The following CSMD1 variants were observed in gnomAD, a reference collection of about 807,000 sequenced individuals.
CSMD1 encodes the protein CUB and sushi domain-containing protein 1.
In CSMD1, 213 loss-of-function variants were observed where a neutral mutation model predicts 417.5. The ratio of observed to expected loss-of-function variants is 0.51; its 90% CI spans 0.46 to 0.57. CSMD1 has a LOEUF of 0.57. Among genes scored for constraint, CSMD1 ranks in the 20% least tolerant of loss-of-function variants. The pLI is 0.00. For missense variants in CSMD1, 6,923 were observed against 4,529.7 expected, an observed-to-expected ratio of 1.53 and a Z score of -15.17; for synonymous variants, 2,862 against 1,736.8, an observed-to-expected ratio of 1.65 and a Z score of -16.11.
Position 4,756,560 on chromosome 8 carries a change from T to C in CSMD1, c.86-119002A>G, listed in dbSNP as rs562678568. ...CTCCAACGAGGTATGTATAATGCTA[T>C]TGAAATAGAGCATGCGTTCTAGACT... On this transcript the variant is annotated intron_variant, in intron 1 of 69. Transcript: ENST00000635120. Among the ~76,000 whole-genome samples the C allele has an allele frequency of 1.4e-4, 21 of 152,360 alleles. No homozygotes were observed. In the South Asian group the frequency reaches 4.1e-3, roughly 30 times the overall value.
chr8:4,956,843 G>T (rs1353599552), intron 1 of CSMD1, among the ~76,000 whole-genome samples: 1 of 152,120 alleles, frequency 6.6e-6, no homozygotes, highest in Non-Finnish European at 1.5e-5. Context: ...ACCTCCTGCA[G>T]AAGTCAGTGT....
At chr8:3,244,621 G>T (rs1042931288) in intron 26 of CSMD1, among the ~76,000 whole-genome samples, 1 of 152,198 alleles carries the variant, frequency 6.6e-6, no homozygotes, top group South Asian at 2.1e-4. Context: ...AGGCAGGACA[G>T]CCAGGGTGAA....
intron 4 of CSMD1, 102 bp from the exon 5 acceptor site, chr8:3,998,212 T>G: frequency 9.6e-7 from 1 of 1,040,234 alleles, no homozygotes; most frequent in Admixed American, 2.6e-5. Flanking sequence ...AAATATTTTC[T>G]GAACCCAAAA....
chr8:3,190,219 C>A, intron 33 of CSMD1, 104 bp from the exon 34 acceptor site: 6 of 771,982 alleles, frequency 7.8e-6, no homozygotes, highest in Admixed American at 2.5e-5. Context: ...CTGATGCAGA[C>A]AGAGAATTTA....
intron 2 of CSMD1, among the ~76,000 whole-genome samples, chr8:4,463,567 A>T (rs1389220247): frequency 6.6e-6 from 1 of 152,194 alleles, no homozygotes; most frequent in East Asian, 1.9e-4. Context: ...AATAGGATCC[A>T]GAAATACAGA....
In CSMD1 at chr8:4,842,615, T is replaced by A. The variant is rs1800910344; in HGVS notation, c.85+151717A>T. The stretch of plus-strand genomic sequence containing the variant: ...CCCTGCTGCAGGGAACCCGGGTGCC[T>A]ATGTGCAAAACCACACTCAGTAGTG... On this transcript the variant is annotated intron_variant, in intron 1 of 69. Transcript: ENST00000635120. Among the ~76,000 whole-genome samples the A allele has an allele frequency of 5.9e-5, 9 of 152,228 alleles. 1 individual carries two copies. Among genetic ancestry groups the A allele is most frequent in the Admixed American group, 5.9e-4 (9 of 15,276 alleles).
chr8:3,419,063 G>T (rs1553182), intron 12 of CSMD1, among the ~76,000 whole-genome samples: 2,857 of 152,324 alleles, frequency 0.019, 56 homozygotes, highest in East Asian at 0.096. Context: ...TGCTGTGTCT[G>T]TTGCCATTGT....
chr8:3,659,030 T>C (rs1328128534), intron 7 of CSMD1, among the ~76,000 whole-genome samples: 1 of 152,222 alleles, frequency 6.6e-6, no homozygotes, highest in Non-Finnish European at 1.5e-5. Flanking sequence ...CAGTGTCATT[T>C]AATTAACACG....
intron 2 of CSMD1, among the ~76,000 whole-genome samples, chr8:4,426,478 A>G (rs1307902973): frequency 6.8e-6 from 1 of 148,138 alleles, no homozygotes; most frequent in East Asian, 1.9e-4. Context: ...CAGTTTATAT[A>G]TATGACATAT....
chr8:3,150,939 A>G (rs916428279), intron 40 of CSMD1, among the ~76,000 whole-genome samples: 1 of 152,218 alleles, frequency 6.6e-6, no homozygotes, highest in African/African-American at 2.4e-5. Context: ...ATTAACCTGA[A>G]AACAATGTAA....
intron 7 of CSMD1, among the ~76,000 whole-genome samples, chr8:3,629,208 G>C (rs1287009771): frequency 2.0e-5 from 3 of 152,108 alleles, no homozygotes; most frequent in African/African-American, 4.8e-5. Flanking sequence ...AGCTTCAACT[G>C]AGAAACAAGA....
rs149691347 is a variant in CSMD1 at position 3,413,135 on chromosome 8, A to G, written c.1562-3530T>C. Among the ~76,000 whole-genome samples, 30 of 152,330 alleles carry G rather than the reference A, an allele frequency of 2.0e-4. No homozygotes were observed. In the East Asian group the frequency reaches 3.3e-3, roughly 17 times the overall value. ...TTAAAGAATAAGATTCATGGAAATTACCTGGTATATTGCACTGGAAATACA... is the reference window on the plus strand; with the variant it reads ...TTAAAGAATAAGATTCATGGAAATTGCCTGGTATATTGCACTGGAAATACA... On this transcript the variant is annotated intron_variant, in intron 12 of 69. Coordinates refer to ENST00000635120, the MANE Select transcript of CSMD1 (RefSeq NM_033225.6).
intron 1 of CSMD1, among the ~76,000 whole-genome samples, chr8:4,709,144 A>G (rs1808133429): frequency 6.6e-6 from 1 of 152,234 alleles, no homozygotes; most frequent in Non-Finnish European, 1.5e-5. Context: ...GGAAATTCTG[A>G]ACGAAATATA....
intron 1 of CSMD1, among the ~76,000 whole-genome samples, chr8:4,855,794 T>A (rs554666411): frequency 2.6e-5 from 4 of 151,692 alleles, no homozygotes; most frequent in Admixed American, 1.3e-4. Context: ...CTGATTGGTG[T>A]ACCTGAAAGT....
intron 3 of CSMD1, among the ~76,000 whole-genome samples, chr8:4,202,246 C>A (rs1799698687): frequency 6.6e-6 from 1 of 152,092 alleles, no homozygotes; most frequent in Non-Finnish European, 1.5e-5. Flanking sequence ...CTTATCTTCA[C>A]AATTCAGTTA....
chr8:3,452,227 G>C (rs184952392), intron 12 of CSMD1, among the ~76,000 whole-genome samples: 89 of 152,292 alleles, frequency 5.8e-4, no homozygotes, highest in African/African-American at 2.0e-3. Context: ...CTGAGACAAT[G>C]GGGTTTTCTA....
intron 1 of CSMD1, among the ~76,000 whole-genome samples, chr8:4,751,110 A>C (rs1612370): frequency 0.79 from 119,725 of 152,042 alleles, 47,303 homozygotes; most frequent in African/African-American, 0.82. Context: ...TCTGCCTGGG[A>C]GCAGTGGCTC....
intron 1 of CSMD1, among the ~76,000 whole-genome samples, chr8:4,857,002 C>G (rs1243469647): frequency 2.0e-5 from 3 of 149,618 alleles, no homozygotes; most frequent in Non-Finnish European, 4.5e-5. Flanking sequence ...CCAAAATTGA[C>G]CACATACTGG....
intron 5 of CSMD1, among the ~76,000 whole-genome samples, chr8:3,767,325 G>A (rs960669027): frequency 5.9e-5 from 9 of 152,200 alleles, no homozygotes; most frequent in Non-Finnish European, 1.3e-4. Flanking sequence ...ACGGACAGTG[G>A]AGTCATACTG....
Sources: allele counts gnomAD v4.1 joint callset (sites outside exome capture counted in the v4.1 genomes callset), GRCh38; gene constraint gnomAD v4.1.1; transcripts MANE v1.5; gene names NCBI Gene and HGNC (gene_info 2026-07-23, HGNC 2026-07-21).